RBFOX1: variants seen among roughly 807,000 people sequenced by gnomAD.
RBFOX1 encodes RNA binding fox-1 homolog 1, also known as RNA binding protein fox-1 homolog 1.
Under a neutral mutation model 57.7 loss-of-function variants are expected in RBFOX1, and 8 were observed. That is an observed-to-expected ratio of 0.14 (90% CI 0.08 to 0.25). The LOEUF (loss-of-function observed/expected upper bound fraction) is 0.25. Among genes scored for constraint, RBFOX1 ranks in the 10% least tolerant of loss-of-function variants. The probability of loss-of-function intolerance (pLI) is 1.00; values close to 1 mark genes in which losing one functional copy is unlikely to be tolerated. For synonymous variants in RBFOX1, 326 were observed against 222.4 expected (o/e 1.47, Z -4.15); for missense variants, 611 against 548.5 (o/e 1.11, Z -1.14).
At chr16:7,615,810 G>A (rs942812702) in intron 10 of RBFOX1, among the ~76,000 whole-genome samples, 1 of 152,112 alleles carries the variant, frequency 6.6e-6, no homozygotes, top group Admixed American at 6.5e-5. Context: ...CAATGCACAA[G>A]ACATTCCTTG....
At chr16:6,357,176 T>C (rs187627284) in intron 2 of RBFOX1, among the ~76,000 whole-genome samples, 9 of 152,154 alleles carry the variant, frequency 5.9e-5, no homozygotes, top group Admixed American at 5.2e-4. Context: ...TACAGGCAAA[T>C]ATCTGGCTGC....
chr16:7,004,473 C>T (rs566892090), intron 3 of RBFOX1, among the ~76,000 whole-genome samples: 4 of 152,258 alleles, frequency 2.6e-5, no homozygotes, highest in Non-Finnish European at 5.9e-5. Context: ...AGGTTTGGAG[C>T]CCAGCCCAGG....
At chr16:6,636,927 G>A (rs2098441018) in intron 2 of RBFOX1, among the ~76,000 whole-genome samples, 2 of 111,698 alleles carry the variant, frequency 1.8e-5, no homozygotes, top group African/African-American at 7.6e-5. Flanking sequence ...TATAAATTAT[G>A]TATAAATATA....
chr16:6,757,244 T>A (rs1364555719), intron 3 of RBFOX1, among the ~76,000 whole-genome samples: 1 of 152,074 alleles, frequency 6.6e-6, no homozygotes, highest in African/African-American at 2.4e-5. Flanking sequence ...CAGAGGTTTC[T>A]CAAAAAGACT....
chr16:6,593,254 C>T (rs142452610), intron 2 of RBFOX1, among the ~76,000 whole-genome samples: 1 of 152,218 alleles, frequency 6.6e-6, no homozygotes, highest in East Asian at 1.9e-4. Context: ...CTCTCTCTGC[C>T]CTACTGGATC....
chr16:7,288,350 A>G (rs2095691503), intron 4 of RBFOX1, among the ~76,000 whole-genome samples: 2 of 152,132 alleles, frequency 1.3e-5, no homozygotes, highest in African/African-American at 4.8e-5. Context: ...AGAAAATCAC[A>G]CTCATCTGAG....
At chr16:5,710,157 G>T (rs1387403406) in intron 3 of RBFOX1, among the ~76,000 whole-genome samples, 1 of 151,936 alleles carries the variant, frequency 6.6e-6, no homozygotes, top group Non-Finnish European at 1.5e-5. Flanking sequence ...CCTACTCAGA[G>T]CCATGTGAGT....
intron 1 of RBFOX1, among the ~76,000 whole-genome samples, chr16:6,071,160 A>T (rs1367648729): frequency 6.6e-6 from 1 of 152,070 alleles, no homozygotes; most frequent in Non-Finnish European, 1.5e-5. Context: ...TCATCTCTAC[A>T]AAAATACAAA....
chr16:6,001,295 T>C (rs2152329559), intron 4 of RBFOX1, among the ~76,000 whole-genome samples: 1 of 152,296 alleles, frequency 6.6e-6, no homozygotes, highest in Non-Finnish European at 1.5e-5. Flanking sequence ...AGATTTTCAC[T>C]TGTAGGATTT....
intron 4 of RBFOX1, among the ~76,000 whole-genome samples, chr16:7,270,853 T>C (rs2095302455): frequency 6.6e-6 from 1 of 152,184 alleles, no homozygotes; most frequent in Non-Finnish European, 1.5e-5. Context: ...AAAACTTTTC[T>C]TTTTGATAAG....
At chr16:6,771,413 C>G (rs544007082) in intron 3 of RBFOX1, among the ~76,000 whole-genome samples, 4 of 152,270 alleles carry the variant, frequency 2.6e-5, no homozygotes, top group South Asian at 2.1e-4. Context: ...CCCTGGCAAG[C>G]TAATACACTT....
intron 2 of RBFOX1, among the ~76,000 whole-genome samples, chr16:6,414,016 A>G (rs1443840633): frequency 6.6e-6 from 1 of 152,206 alleles, no homozygotes; most frequent in African/African-American, 2.4e-5. Flanking sequence ...AATTCCAACC[A>G]TAGGGATCGT....
At chr16:7,011,026 C>T (rs912941772) in intron 3 of RBFOX1, among the ~76,000 whole-genome samples, 53 of 151,384 alleles carry the variant, frequency 3.5e-4, no homozygotes, top group African/African-American at 1.3e-3. Context: ...GTTTTTATTT[C>T]AAGTCAATTT....
chr16:7,490,322 C>G (rs2066593322), intron 4 of RBFOX1, among the ~76,000 whole-genome samples: 1 of 152,160 alleles, frequency 6.6e-6, no homozygotes, highest in African/African-American at 2.4e-5. Context: ...CTCTGCTAGA[C>G]TAGGGGAGGC....
intron 4 of RBFOX1, among the ~76,000 whole-genome samples, chr16:7,306,311 C>T (rs183352111): frequency 6.6e-6 from 1 of 152,106 alleles, no homozygotes; most frequent in Admixed American, 6.6e-5. Context: ...ATAAGATAAA[C>T]ACAAAGGTTC....
chr16:7,287,864 T>G (rs939143424), intron 4 of RBFOX1, among the ~76,000 whole-genome samples: 4 of 152,168 alleles, frequency 2.6e-5, no homozygotes, highest in African/African-American at 9.6e-5. Context: ...CCCCACCCAT[T>G]TCGTGTGCAT....
chr16:7,065,096 G>C (rs1421594421), intron 4 of RBFOX1, among the ~76,000 whole-genome samples: 2 of 152,184 alleles, frequency 1.3e-5, no homozygotes, highest in Non-Finnish European at 2.9e-5. Flanking sequence ...TTCATCTCTG[G>C]AGTTTACAGC....
chr16:5,862,372 G>A (rs549910481), intron 3 of RBFOX1, among the ~76,000 whole-genome samples: 2 of 152,290 alleles, frequency 1.3e-5, no homozygotes, highest in East Asian at 3.9e-4. Flanking sequence ...ACCAGGGATG[G>A]CACTTGAGGG....
intron 3 of RBFOX1, among the ~76,000 whole-genome samples, chr16:5,792,612 G>A (rs1395928439): frequency 6.6e-6 from 1 of 152,214 alleles, no homozygotes; most frequent in Non-Finnish European, 1.5e-5. Flanking sequence ...GGAGGCTGAG[G>A]TGGGTGGATC....
Sources: allele counts gnomAD v4.1 joint callset (sites outside exome capture counted in the v4.1 genomes callset), GRCh38; gene constraint gnomAD v4.1.1; transcripts MANE v1.5; gene names NCBI Gene and HGNC (gene_info 2026-07-23, HGNC 2026-07-21).